The following PPARGC1B variants were observed in gnomAD, a reference collection of about 807,000 sequenced individuals.
PPARGC1B encodes peroxisome proliferator-activated receptor gamma coactivator 1-beta.
A neutral mutation model predicts 101.6 loss-of-function variants in PPARGC1B; 34 were observed. The ratio of observed to expected loss-of-function variants is 0.33; its 90% CI spans 0.25 to 0.45. The LOEUF is 0.45. PPARGC1B is among the 20% of genes least tolerant of loss of function. PPARGC1B has a pLI of 1.00. For synonymous variants in PPARGC1B, 548 were observed against 539.3 expected, an observed-to-expected ratio of 1.02 and a Z score of -0.22; for missense variants, 1,234 against 1,317.6, an observed-to-expected ratio of 0.94 and a Z score of 0.98.
intron 1 of PPARGC1B, among the ~76,000 whole-genome samples, chr5:149,778,726 C>G (rs1756486601): frequency 6.6e-6 from 1 of 152,184 alleles, no homozygotes; most frequent in East Asian, 1.9e-4. Flanking sequence ...GCTCCCCTAC[C>G]AGCACCCCAG....
chr5:149,832,769 G>A lies in PPARGC1B; in HGVS notation c.696G>A (p.Leu232=). 1 of 1,613,018 alleles carries A rather than the reference G, an allele frequency of 6.2e-7. No homozygotes were observed. Among genetic ancestry groups the A allele is most frequent in the Non-Finnish European group, 8.5e-7 (1 of 1,179,436 alleles). Residue 232 remains leucine (L), a synonymous_variant, in exon 5 of 12, where the codon CTG becomes CTA. Transcript: ENST00000309241. This position sits in a 1 kb window ranked among gnomAD's most constrained non-coding sequence, Gnocchi z 4.9. The part of the protein sequence containing the change: ...SAQCCLQDRG[L]QPPCLQSPRL... ...AGTGCTGCCTGCAGGATCGGGGTCT[G>A]CAGCCACCATGCCTCCAGAGTCCCC...
intron 7 of PPARGC1B, among the ~76,000 whole-genome samples, chr5:149,836,002 G>C (rs1472982378): frequency 6.9e-6 from 1 of 143,920 alleles, no homozygotes; most frequent in African/African-American, 2.6e-5. Flanking sequence ...ATGTTGTCCA[G>C]GCTGGAGTGC....
At chr5:149,817,738 G>A (rs1282128210) in intron 1 of PPARGC1B, 1 of 456,614 alleles carries the variant, frequency 2.2e-6, no homozygotes, top group Non-Finnish European at 4.4e-6. Context: ...TGGAGAGGGT[G>A]CAGAAGAATT....
intron 1 of PPARGC1B, among the ~76,000 whole-genome samples, chr5:149,758,084 C>A (rs578094560): frequency 6.6e-6 from 1 of 152,354 alleles, no homozygotes; most frequent in East Asian, 1.9e-4. Flanking sequence ...CCACACAGAG[C>A]GCTGTCTGTG....
intron 1 of PPARGC1B, among the ~76,000 whole-genome samples, chr5:149,780,600 G>A (rs954557773): frequency 1.3e-5 from 2 of 152,128 alleles, no homozygotes; most frequent in African/African-American, 2.4e-5. Flanking sequence ...GTGTGTCAGC[G>A]GTTAGATAAT....
At chr5:149,790,922 C>G (rs1341243252) in intron 1 of PPARGC1B, among the ~76,000 whole-genome samples, 1 of 151,990 alleles carries the variant, frequency 6.6e-6, no homozygotes, top group Admixed American at 6.5e-5. Flanking sequence ...GGCCCAGGAC[C>G]CTGCATTTTC....
Position 149,730,850 on chromosome 5 carries a change from G to T in PPARGC1B, c.78+430G>T, listed in dbSNP as rs1025960719. 3.3e-5 allele frequency among the ~76,000 whole-genome samples: 5 copies of T among 152,222 alleles called. No homozygotes were observed. Among genetic ancestry groups the T allele is most frequent in the Non-Finnish European group, 5.9e-5 (4 of 68,024 alleles). ...TGGCCCCGGCACGGGTGCATGCCCG[G>T]GTCTCCGGAGTCCCCTAGTCCTCCA... On this transcript the variant is annotated intron_variant, in intron 1 of 11. Coordinates refer to ENST00000309241, the MANE Select transcript of PPARGC1B (RefSeq NM_133263.4). This position sits in a 1 kb window ranked among gnomAD's most constrained non-coding sequence, Gnocchi z 4.0.
At chr5:149,783,518 C>G (rs1394108222) in intron 1 of PPARGC1B, among the ~76,000 whole-genome samples, 1 of 152,172 alleles carries the variant, frequency 6.6e-6, no homozygotes, top group Non-Finnish European at 1.5e-5. Flanking sequence ...ACCGTCCAGT[C>G]AGATGGGGGA....
In PPARGC1B at chr5:149,837,006, C is replaced by T. The variant is rs1170753272; in HGVS notation, c.2551C>T (p.Arg851Cys). 62 of 1,613,804 alleles carry T rather than the reference C, an allele frequency of 3.8e-5. No homozygotes were observed. The highest frequency in any genetic ancestry group is 4.4e-5 in the South Asian group (4 of 91,080). ...PSKANRQLCS[R>C]SRSSSGSSPC... ...CAAGGCCAACCGGCAGCTCTGTTCC[C>T]GCAGCCGCTCAAGCTCTGGCTCTTC... The change falls in exon 8 of 12, where the codon CGC becomes TGC. Residue 851 changes from arginine to cysteine, a missense_variant. Physicochemically the swap from Arg to Cys is radical, Grantham distance 180. Transcript: ENST00000309241. This position sits in a 1 kb window ranked among gnomAD's most constrained non-coding sequence, Gnocchi z 4.2.
chr5:149,800,911 G>C (rs147854023), intron 1 of PPARGC1B, among the ~76,000 whole-genome samples: 1 of 152,242 alleles, frequency 6.6e-6, no homozygotes, highest in Non-Finnish European at 1.5e-5. Flanking sequence ...CTGAGGCGGC[G>C]GCACACGCCT....
Position 149,850,157 on chromosome 5 carries a change from G to T in PPARGC1B, c.*2599G>T, listed in dbSNP as rs1759716173. ...TCCCTGGCACCCCGGTGTGCTGAAA[G>T]GAGTTGGTCCATATATGATCTCTTA... On this transcript the variant is annotated 3_prime_UTR_variant, in exon 12 of 12. Transcript: ENST00000309241. 1 of 152,186 alleles carries T rather than the reference G, an allele frequency of 6.6e-6. No homozygotes were observed. Among genetic ancestry groups the T allele is most frequent in the Non-Finnish European group, 1.5e-5 (1 of 68,042 alleles). 9.4% of individuals were successfully genotyped at this position (152,186 alleles called of 1,614,324 possible).
At chr5:149,748,787 G>T (rs140435568) in intron 1 of PPARGC1B, among the ~76,000 whole-genome samples, 22 of 152,310 alleles carry the variant, frequency 1.4e-4, no homozygotes, top group African/African-American at 5.3e-4. Flanking sequence ...CCCCATGGGG[G>T]TGAGGAACAG....
Position 149,836,846 on chromosome 5 carries a change from C to T in PPARGC1B, c.2391C>T (p.Ser797=). ...EYDTVFEDSS[S]SSGESSFLPE... is the part of the protein sequence containing the mutation. Reference sequence around the variant, plus strand: ...ACACTGTCTTTGAAGACAGCAGCAGCAGCAGCGGCGAGAGCAGCTTCCTCC... The same window carrying T: ...ACACTGTCTTTGAAGACAGCAGCAGTAGCAGCGGCGAGAGCAGCTTCCTCC... Residue 797 remains serine, a synonymous_variant, in exon 8 of 12, where the codon AGC becomes AGT. Transcript: ENST00000309241. 2 of 1,613,188 alleles carry T rather than the reference C, an allele frequency of 1.2e-6. No homozygotes were observed. The highest frequency in any genetic ancestry group is 2.7e-5 in the African/African-American group (2 of 75,052).
intron 8 of PPARGC1B, among the ~76,000 whole-genome samples, chr5:149,838,644 A>T (rs374449173): frequency 6.6e-6 from 1 of 152,168 alleles, no homozygotes; most frequent in Non-Finnish European, 1.5e-5. Flanking sequence ...CTGGGCCTGC[A>T]TTCATAGAAT....
rs991958110 is a variant in PPARGC1B, at chr5:149,755,188, C to T, written c.78+24768C>T. ...CCTCCCAAAGTGCTGGGATTACAGG[C>T]GTGACCCACTGTGCCTGGCCTAGAA... On this transcript the variant is annotated intron_variant, in intron 1 of 11. Transcript: ENST00000309241. Among the ~76,000 whole-genome samples, 11 of 151,154 alleles carry T rather than the reference C, an allele frequency of 7.3e-5. No homozygotes were observed. The East Asian group carries it at 1.2e-3, about 16-fold the overall frequency.
chr5:149,811,163 G>A (rs573311663), intron 1 of PPARGC1B, among the ~76,000 whole-genome samples: 23 of 152,354 alleles, frequency 1.5e-4, no homozygotes, highest in Admixed American at 1.4e-3. Context: ...TGTGGTGCCA[G>A]CATTGAAACC....
intron 1 of PPARGC1B, among the ~76,000 whole-genome samples, chr5:149,786,974 G>A (rs765147397): frequency 2.0e-5 from 3 of 152,108 alleles, no homozygotes; most frequent in Admixed American, 6.5e-5. Flanking sequence ...AGTCACCCCC[G>A]CAAAAAGAAG....
intron 10 of PPARGC1B, among the ~76,000 whole-genome samples, chr5:149,843,805 T>C (rs977935022): frequency 6.6e-6 from 1 of 152,244 alleles, no homozygotes; most frequent in African/African-American, 2.4e-5. Context: ...TGGAATATTA[T>C]GAAGCCTTAA....
At chr5:149,819,589 G>A (rs1037320208) in intron 1 of PPARGC1B, among the ~76,000 whole-genome samples, 5 of 152,152 alleles carry the variant, frequency 3.3e-5, no homozygotes, top group Admixed American at 6.5e-5. Context: ...TGCAACGTCC[G>A]CCTCCCGGGC....
Sources: allele counts gnomAD v4.1 joint callset (sites outside exome capture counted in the v4.1 genomes callset), GRCh38; gene constraint gnomAD v4.1.1; non-coding constraint Gnocchi (gnomAD v3.1); transcripts MANE v1.5; gene names NCBI Gene and HGNC (gene_info 2026-07-23, HGNC 2026-07-21).